Variants in ANKRD44 observed in about 807,000 individuals in gnomAD.
ANKRD44 encodes serine/threonine-protein phosphatase 6 regulatory ankyrin repeat subunit B.
ANKRD44 carries 35 observed loss-of-function variants against 116.0 expected under a neutral mutation model. The observed-to-expected ratio is 0.30, with a 90% CI of 0.23 to 0.40. The LOEUF is 0.40. Ranked by LOEUF, ANKRD44 falls within the 10% of genes least tolerant of loss-of-function variation. The pLI, the probability that ANKRD44 is intolerant of heterozygous loss-of-function variation, is 1.00. For missense variants in ANKRD44, 1,014 were observed against 1,242.6 expected, an observed-to-expected ratio of 0.82 and a Z score of 2.77; for synonymous variants, 435 against 461.8, an observed-to-expected ratio of 0.94 and a Z score of 0.74.
chr2:197,108,868 C>CAAAAAAAA (rs1278191964), intron 9 of ANKRD44, among the ~76,000 whole-genome samples: 1,279 of 80,176 alleles, frequency 0.016, 26 homozygotes, highest in African/African-American at 0.058. Flanking sequence ...ACAACAACAA[C>CAAAAAAAA]AACAAAAACA....
In ANKRD44 at chr2:197,039,668, TGTGTGTGTGTGC is replaced by T. The variant is rs1212226937; in HGVS notation, c.1651-14413_1651-14402del. On this transcript the variant is annotated intron_variant, in intron 16 of 27. Transcript: ENST00000282272. ...TGCATTACATGTGTGTGGTGGTGAT[TGTGTGTGTGTGC>T]GTGTGTGTGTGTGTGTGTGTGTGTG... Among the ~76,000 whole-genome samples, 118 of 102,872 alleles carry T rather than the reference TGTGTGTGTGTGC, an allele frequency of 1.1e-3. 1 individual carries two copies. The highest frequency in any genetic ancestry group is 7.0e-4 in the Non-Finnish European group (34 of 48,554). 67.5% of individuals were successfully genotyped at this position (102,872 alleles called of 152,430 possible). A position where few individuals can be genotyped will look rare whatever the true frequency, so the allele number is the denominator to read the frequency against.
intron 2 of ANKRD44, among the ~76,000 whole-genome samples, chr2:197,185,909 T>C (rs759983992): frequency 9.9e-5 from 15 of 152,186 alleles, no homozygotes; most frequent in African/African-American, 1.4e-4. Context: ...ATAGTAAATA[T>C]CTTTGGCTTT....
chr2:197,172,182 G>A (rs1173795676), intron 2 of ANKRD44, among the ~76,000 whole-genome samples: 1 of 151,870 alleles, frequency 6.6e-6, no homozygotes, highest in East Asian at 1.9e-4. Flanking sequence ...TGCATTTTTA[G>A]TAGAGAGGGG....
intron 1 of ANKRD44, among the ~76,000 whole-genome samples, chr2:197,269,884 G>C (rs1300771962): frequency 6.6e-6 from 1 of 152,208 alleles, no homozygotes; most frequent in Non-Finnish European, 1.5e-5. Flanking sequence ...AGACTGAGGA[G>C]AGACATCTCA....
chr2:197,253,573 G>T (rs2082371256), intron 1 of ANKRD44, among the ~76,000 whole-genome samples: 1 of 152,056 alleles, frequency 6.6e-6, no homozygotes, highest in Non-Finnish European at 1.5e-5. Context: ...TATATATGTA[G>T]AATATACATA....
At chr2:197,226,291 A>G (rs2081711277) in intron 1 of ANKRD44, among the ~76,000 whole-genome samples, 1 of 152,234 alleles carries the variant, frequency 6.6e-6, no homozygotes, top group Non-Finnish European at 1.5e-5. Context: ...GCCAGGGTGT[A>G]TCCACACCAA....
intron 1 of ANKRD44, among the ~76,000 whole-genome samples, chr2:197,218,631 T>C (rs1339437871): frequency 1.3e-5 from 2 of 152,126 alleles, no homozygotes; most frequent in Non-Finnish European, 2.9e-5. Context: ...TGAAAACCTG[T>C]ACTTTTGGAG....
At chr2:197,188,996 G>T (rs1408097702) in intron 1 of ANKRD44, among the ~76,000 whole-genome samples, 1 of 152,198 alleles carries the variant, frequency 6.6e-6, no homozygotes, top group African/African-American at 2.4e-5. Context: ...AATCACTAGT[G>T]TCACATACCT....
At chr2:197,270,128 A>G (rs2082856367) in intron 1 of ANKRD44, among the ~76,000 whole-genome samples, 1 of 152,140 alleles carries the variant, frequency 6.6e-6, no homozygotes, top group East Asian at 1.9e-4. Context: ...GGATGGGGGG[A>G]TGCTATTGTT....
chr2:197,111,059 A>G (rs1257225461), intron 8 of ANKRD44, among the ~76,000 whole-genome samples: 1 of 152,190 alleles, frequency 6.6e-6, no homozygotes, highest in Non-Finnish European at 1.5e-5. Flanking sequence ...AAATAAAATA[A>G]AATAAAAGTA....
At chr2:197,247,138 CATGGTCCTTATTTGCAATGTCATAG>C in intron 1 of ANKRD44, among the ~76,000 whole-genome samples, 1 of 152,162 alleles carries the variant, frequency 6.6e-6, no homozygotes, top group East Asian at 1.9e-4. Context: ...TTCATTCAAG[CATGGTCCTTATTTGCAATGTCATAG>C]AAAAAAATTG....
intron 2 of ANKRD44, among the ~76,000 whole-genome samples, chr2:197,164,541 A>G (rs975120981): frequency 2.0e-5 from 3 of 152,160 alleles, no homozygotes; most frequent in Non-Finnish European, 4.4e-5. Context: ...TGGGAAAGAA[A>G]CAAAGGCCGG....
chr2:197,241,616 T>C (rs2082091103), intron 1 of ANKRD44, among the ~76,000 whole-genome samples: 2 of 152,138 alleles, frequency 1.3e-5, no homozygotes, highest in Admixed American at 6.5e-5. Context: ...AAAAGTTATG[T>C]AAAATTTAAA....
Position 197,099,896 on chromosome 2 carries a change from G to A in ANKRD44, c.1020C>T (p.Asn340=), listed in dbSNP as rs1195550278. 2.5e-6 allele frequency: 4 copies of A among 1,614,012 alleles called. No individual in the cohort carries two copies. Among genetic ancestry groups the A allele is most frequent in the Non-Finnish European group, 3.4e-6 (4 of 1,180,024 alleles). Residue 340 remains asparagine (N), a synonymous_variant, in exon 10 of 28, where the codon AAC becomes AAT. Coordinates refer to ENST00000282272, the MANE Select transcript of ANKRD44 (RefSeq NM_001195144.2). ...GEIDCVDKDG[N]TPLHVAARYG... The stretch of plus-strand genomic sequence containing the variant: ...ATCTTGCAGCCACATGGAGAGGAGT[G>A]TTGCCGTCCTTATCCACACAGTCAA...
chr2:197,025,297 G>C (rs116293297), intron 16 of ANKRD44, 30 bp from the exon 17 acceptor site: 53 of 1,586,200 alleles, frequency 3.3e-5, no homozygotes, highest in Non-Finnish European at 4.1e-5. Context: ...ACAATAGTAC[G>C]TGAGTCCAAA....
At chr2:197,012,790 C>T (rs977560303) in intron 18 of ANKRD44, among the ~76,000 whole-genome samples, 3 of 152,160 alleles carry the variant, frequency 2.0e-5, no homozygotes, top group Non-Finnish European at 4.4e-5. Context: ...AGTTATTTAT[C>T]GTTACAAAAT....
chr2:197,269,078 T>TGTTTTC (rs2082819410), intron 1 of ANKRD44, among the ~76,000 whole-genome samples: 1 of 31,384 alleles, frequency 3.2e-5, no homozygotes, highest in Admixed American at 3.8e-4. Flanking sequence ...GCTGGTAATG[T>TGTTTTC]GTTTTTGTTT....
intron 1 of ANKRD44, among the ~76,000 whole-genome samples, chr2:197,288,683 T>A (rs1387390875): frequency 6.6e-6 from 1 of 150,748 alleles, no homozygotes; most frequent in Non-Finnish European, 1.5e-5. Context: ...CATATACACA[T>A]ACACACACAC....
intron 17 of ANKRD44, among the ~76,000 whole-genome samples, chr2:197,019,316 A>G (rs1318813845): frequency 6.6e-6 from 1 of 152,184 alleles, no homozygotes; most frequent in African/African-American, 2.4e-5. Flanking sequence ...TAACTTTCTG[A>G]TCTGTGCTTG....
Sources: gnomAD v4.1 joint callset for allele counts (sites outside exome capture counted in the v4.1 genomes callset) on GRCh38, gnomAD v4.1.1 for gene constraint, MANE v1.5 for transcripts, NCBI Gene and HGNC (gene_info 2026-07-23, HGNC 2026-07-21) for gene names.